COBL: variants seen among roughly 807,000 people sequenced by gnomAD.
COBL encodes the protein cordon-bleu WH2 repeat protein.
Under a neutral mutation model 98.8 loss-of-function variants are expected in COBL, and 51 were observed. That is an observed-to-expected ratio of 0.52 (90% CI 0.41 to 0.65). The LOEUF (loss-of-function observed/expected upper bound fraction) is 0.65, where lower values mean the gene tolerates loss of function less well. Among genes scored for constraint, COBL ranks in the 30% least tolerant of loss-of-function variants. COBL has a pLI of 0.00. For missense variants in COBL, 1,617 were observed against 1,617.5 expected (o/e 1.00, Z 0.01); for synonymous variants, 634 against 651.7 (o/e 0.97, Z 0.41).
At position 51,029,150 on chromosome 7, in the gene COBL, T is replaced by C; in HGVS notation, c.1946A>G (p.Asp649Gly). The C allele has an allele frequency of 6.2e-7, 1 of 1,614,206 alleles. No individual in the cohort carries two copies. The highest frequency in any genetic ancestry group is 8.5e-7 in the Non-Finnish European group (1 of 1,180,030). Residue 649 changes from aspartate to glycine, a missense_variant, in exon 10 of 13, where the codon GAC (aspartate) becomes GGC (glycine). By Grantham distance (94) the Asp-to-Gly change is moderately conservative. Around this residue, in one of 3 missense-constraint regions of COBL, gnomAD observed 1,304 missense variants for 1,282.0 expected, o/e 1.02. Transcript: ENST00000265136. ...HTDNLNAKVK[D>G]KVYGCADGER... ...CCCGTCAGCACAGCCATACACTTTG[T>C]CTTTCACTTTTGCATTTAGGTTGTC... is the stretch of plus-strand genomic sequence containing the variant.
chr7:51,115,301 T>C (rs1242962289), intron 6 of COBL, among the ~76,000 whole-genome samples: 1 of 152,138 alleles, frequency 6.6e-6, no homozygotes, highest in African/African-American at 2.4e-5. Flanking sequence ...ATTTTTATTA[T>C]ATCTCTCTTT....
intron 1 of COBL, among the ~76,000 whole-genome samples, chr7:51,291,177 G>A (rs182937574): frequency 5.5e-4 from 83 of 152,272 alleles, no homozygotes; most frequent in Admixed American, 4.6e-3. Flanking sequence ...CAGGCATCTC[G>A]GGGACCACAA....
chr7:51,170,229 C>T (rs974500507), intron 5 of COBL, among the ~76,000 whole-genome samples: 3 of 151,798 alleles, frequency 2.0e-5, no homozygotes, highest in Admixed American at 6.6e-5. Flanking sequence ...ATGATCACAA[C>T]TCTACTTATC....
chr7:51,182,625 G>C (rs1480372208), intron 5 of COBL, among the ~76,000 whole-genome samples: 8 of 145,770 alleles, frequency 5.5e-5, no homozygotes, highest in African/African-American at 2.0e-4. Flanking sequence ...TGACAGGAAA[G>C]GAAGCTAGGA....
chr7:51,027,660 G>GC, intron 10 of COBL, 52 bp downstream of exon 10: 1 of 1,422,006 alleles, frequency 7.0e-7, no homozygotes, highest in African/African-American at 1.4e-5. Flanking sequence ...TGAGACCAGT[G>GC]CACTGAAGTG....
chr7:51,038,453 A>C (rs1474590776), intron 8 of COBL, among the ~76,000 whole-genome samples: 1 of 152,212 alleles, frequency 6.6e-6, no homozygotes, highest in Non-Finnish European at 1.5e-5. Flanking sequence ...CCAGCTTGTC[A>C]ATGTGTGAAC....
intron 1 of COBL, among the ~76,000 whole-genome samples, chr7:51,303,548 T>C (rs1802187041): frequency 1.3e-5 from 2 of 152,204 alleles, no homozygotes; most frequent in Non-Finnish European, 2.9e-5. Context: ...TACTTTCCTC[T>C]AGCAAAAACA....
chr7:51,278,910 A>C (rs1156931684), intron 1 of COBL, among the ~76,000 whole-genome samples: 5 of 152,246 alleles, frequency 3.3e-5, no homozygotes, highest in Admixed American at 3.3e-4. Context: ...ACTACAAAAC[A>C]CACCCAGCAC....
chr7:51,064,508 G>T (rs775575390), intron 7 of COBL: 8 of 152,244 alleles, frequency 5.3e-5, no homozygotes, highest in Non-Finnish European at 7.3e-5. Flanking sequence ...ATACTTGAAA[G>T]ATATTTAGCT....
chr7:51,057,605 A>G (rs1191017187), intron 7 of COBL, among the ~76,000 whole-genome samples: 1 of 152,140 alleles, frequency 6.6e-6, no homozygotes, highest in African/African-American at 2.4e-5. Flanking sequence ...CTAGTATAGA[A>G]TTGTTTCTAG....
intron 2 of COBL, among the ~76,000 whole-genome samples, chr7:51,210,556 T>G (rs1584188353): frequency 6.6e-6 from 1 of 152,262 alleles, no homozygotes; most frequent in African/African-American, 2.4e-5. Flanking sequence ...TTGTGTCAGG[T>G]AAACACAGCT....
At chr7:51,153,536 C>T (rs1261082234) in intron 5 of COBL, among the ~76,000 whole-genome samples, 1 of 152,220 alleles carries the variant, frequency 6.6e-6, no homozygotes, top group Non-Finnish European at 1.5e-5. Context: ...ATTGTGACTG[C>T]TATTTGCTGT....
intron 7 of COBL, among the ~76,000 whole-genome samples, chr7:51,074,943 CAT>C (rs1157866162): frequency 6.6e-6 from 1 of 152,194 alleles, no homozygotes; most frequent in Non-Finnish European, 1.5e-5. Context: ...AGTTGATTCT[CAT>C]AGAATGCTTT....
chr7:51,024,981 GCT>G, intron 12 of COBL, 126 bp downstream of exon 12: 1 of 1,249,336 alleles, frequency 8.0e-7, no homozygotes, highest in Non-Finnish European at 1.1e-6. Context: ...AGTGACGCCG[GCT>G]CTCTCTCAAC....
intron 6 of COBL, among the ~76,000 whole-genome samples, chr7:51,109,681 A>C (rs1032301892): frequency 2.0e-5 from 3 of 152,180 alleles, no homozygotes; most frequent in Non-Finnish European, 4.4e-5. Context: ...TTTACTAAAA[A>C]AACTGACTAC....
At chr7:51,185,527 G>T (rs775487026) in intron 4 of COBL, among the ~76,000 whole-genome samples, 2 of 152,204 alleles carry the variant, frequency 1.3e-5, no homozygotes, top group Non-Finnish European at 2.9e-5. Flanking sequence ...CTAGTGTCAT[G>T]ATTTGCTCAG....
At chr7:51,161,955 C>A (rs1387720034) in intron 5 of COBL, among the ~76,000 whole-genome samples, 1 of 152,210 alleles carries the variant, frequency 6.6e-6, no homozygotes, top group Non-Finnish European at 1.5e-5. Context: ...ATAATAATTT[C>A]TTTTCCATTT....
chr7:51,304,099 G>A (rs559582266), intron 1 of COBL, among the ~76,000 whole-genome samples: 8 of 152,310 alleles, frequency 5.3e-5, no homozygotes, highest in African/African-American at 1.4e-4. Flanking sequence ...CCAGTCCCAT[G>A]TTGTCGCCAG....
chr7:51,030,660 C>T (rs550615792), intron 9 of COBL, 152 bp downstream of exon 9: 5 of 609,828 alleles, frequency 8.2e-6, no homozygotes, highest in African/African-American at 3.7e-5. Context: ...CCTGTGTGCG[C>T]CTCACATCCA....
Sources: gnomAD v4.1 joint callset for allele counts (sites outside exome capture counted in the v4.1 genomes callset) on GRCh38, gnomAD v4.1.1 for gene constraint, gnomAD v4.1.1 regional missense constraint, MANE v1.5 for transcripts, NCBI Gene and HGNC (gene_info 2026-07-23, HGNC 2026-07-21) for gene names.